The following CASZ1 variants were observed in gnomAD, a reference collection of about 807,000 sequenced individuals.
The protein encoded by CASZ1 is zinc finger protein castor homolog 1.
In CASZ1, 28 loss-of-function variants were observed where a neutral mutation model predicts 135.2. The ratio of observed to expected loss-of-function variants is 0.21; its 90% CI spans 0.15 to 0.28. The LOEUF is 0.28. CASZ1 is among the 10% of genes least tolerant of loss of function. The pLI, the probability that CASZ1 is intolerant of heterozygous loss-of-function variation, is 1.00. For synonymous variants in CASZ1, 1,068 were observed against 1,073.4 expected (o/e 0.99, Z 0.10); for missense variants, 2,161 against 2,453.3 (o/e 0.88, Z 2.52).
In CASZ1 at chr1:10,765,804, C is replaced by T. The variant is rs369657138; in HGVS notation, c.-233-4947G>A. Among the ~76,000 whole-genome samples, 176 of 152,334 alleles carry T rather than the reference C, an allele frequency of 1.2e-3. 1 individual carries two copies. The highest frequency in any genetic ancestry group is 2.7e-3 in the African/African-American group (114 of 41,574). On this transcript the variant is annotated intron_variant, in intron 1 of 20. Transcript: ENST00000377022. ...AAGGTACTGTCCACTGTCCTGCTGC[C>T]GGCAGGGGACAGGGAGGGGACCCGC...
At chr1:10,644,479 C>T (rs535771184) in intron 18 of CASZ1, among the ~76,000 whole-genome samples, 6 of 152,322 alleles carry the variant, frequency 3.9e-5, no homozygotes, top group African/African-American at 1.2e-4. Flanking sequence ...CCATAAATAA[C>T]TGCAGAATGG....
chr1:10,649,512 C>T (rs909086244), intron 13 of CASZ1, 75 bp from the exon 14 acceptor site: 7 of 1,496,440 alleles, frequency 4.7e-6, no homozygotes, highest in Admixed American at 2.0e-5. Context: ...GAGCAACAGC[C>T]GAAGCTCTGG....
chr1:10,668,205 C>A (rs1643296084), intron 4 of CASZ1, among the ~76,000 whole-genome samples: 1 of 152,154 alleles, frequency 6.6e-6, no homozygotes, highest in Admixed American at 6.5e-5. Flanking sequence ...AAGCTTTCCG[C>A]CGCCTTCCGG....
rs922469762 is a variant in CASZ1 at position 10,666,194 on chromosome 1, G to A, written c.17-623C>T. Among the ~76,000 whole-genome samples, 1 of 152,112 alleles carries A rather than the reference G, an allele frequency of 6.6e-6. No individual in the cohort carries two copies. The highest frequency in any genetic ancestry group is 2.4e-5 in the African/African-American group (1 of 41,426). ...GCTCCTCTGCCAGGCCAGGTCCCTG[G>A]GCCCTACCTGACTCCAACCCTGCTC... On this transcript the variant is annotated intron_variant, in intron 4 of 20. Transcript: ENST00000377022. The surrounding 1 kb of genome is among the most constrained non-coding windows in gnomAD (Gnocchi z 5.2).
chr1:10,642,977 A>G lies in CASZ1; in HGVS notation c.4044T>C (p.Ala1348=). 6.2e-7 allele frequency: 1 copy of G among 1,612,960 alleles called. No individual in the cohort carries two copies. ...PSQGPPGLMD[A]ETDECMDYTG... is the part of the protein sequence containing the mutation. ...TGTAGTCCATGCACTCATCTGTCTCAGCATCCATCAGGCCTGGGGGGCCCT... is the reference window on the plus strand; with the variant it reads ...TGTAGTCCATGCACTCATCTGTCTCGGCATCCATCAGGCCTGGGGGGCCCT... The change falls in exon 20 of 21, where the codon GCT becomes GCC. Residue 1348 remains alanine, a synonymous_variant. Transcript: ENST00000377022.
At chr1:10,792,289 A>C (rs1640970500) in intron 1 of CASZ1, among the ~76,000 whole-genome samples, 1 of 132,988 alleles carries the variant, frequency 7.5e-6, no homozygotes, top group Non-Finnish European at 1.6e-5. Flanking sequence ...TTATTTATGA[A>C]AGCCAAATGC....
chr1:10,679,828 C>T lies in CASZ1; in HGVS notation c.16+14046G>A, dbSNP rs1032544103. 1.3e-5 allele frequency among the ~76,000 whole-genome samples: 2 copies of T among 152,232 alleles called. No homozygotes were observed. Among genetic ancestry groups the T allele is most frequent in the African/African-American group, 2.4e-5 (1 of 41,456 alleles). ...GATCTGCAACAGGATGTAGGGATTA[C>T]AGTAAAACCTGGCTCCGGATCTGCA... On this transcript the variant is annotated intron_variant, in intron 4 of 20. Transcript: ENST00000377022. This position sits in a 1 kb window ranked among gnomAD's most constrained non-coding sequence, Gnocchi z 4.7.
intron 4 of CASZ1, among the ~76,000 whole-genome samples, chr1:10,668,880 C>T (rs1046982977): frequency 7.2e-5 from 11 of 152,364 alleles, no homozygotes; most frequent in African/African-American, 1.7e-4. Flanking sequence ...TGGTGCCACA[C>T]GTGAGCTTGA....
At position 10,706,104 on chromosome 1, in the gene CASZ1, C is replaced by G. The variant is rs1639167360; in HGVS notation, c.-76-560G>C. Among the ~76,000 whole-genome samples, 1 of 152,268 alleles carries G rather than the reference C, an allele frequency of 6.6e-6. No homozygotes were observed. Among genetic ancestry groups the G allele is most frequent in the South Asian group, 2.1e-4 (1 of 4,836 alleles). ...TCAGGAAGCCTCCATGCCCCAGGAT[C>G]AGGCTGCCGACAGCACCTTCCACCC... On this transcript the variant is annotated intron_variant, in intron 2 of 20. Coordinates refer to ENST00000377022, the MANE Select transcript of CASZ1 (RefSeq NM_001079843.3). The surrounding 1 kb of genome is among the most constrained non-coding windows in gnomAD (Gnocchi z 4.3).
rs918366998 is a variant in CASZ1, at chr1:10,777,525, G to A, written c.-233-16668C>T. On this transcript the variant is annotated intron_variant, in intron 1 of 20. Transcript: ENST00000377022. This position sits in a 1 kb window ranked among gnomAD's most constrained non-coding sequence, Gnocchi z 4.4. ...TGGGGCAGGGGACCAAGTGATACGC[G>A]AAAAACAGACGGAAGACCCCGTTAA... 2.0e-5 allele frequency among the ~76,000 whole-genome samples: 3 copies of A among 152,118 alleles called. No individual in the cohort carries two copies. Among genetic ancestry groups the A allele is most frequent in the Non-Finnish European group, 4.4e-5 (3 of 68,008 alleles).
chr1:10,693,743 G>C (rs1179849866), intron 4 of CASZ1, 131 bp downstream of exon 4: 3 of 824,084 alleles, frequency 3.6e-6, no homozygotes, highest in East Asian at 5.1e-5. Flanking sequence ...GGGACGCCGG[G>C]AGGCAGCCGC....
At chr1:10,728,822 G>A (rs928698301) in intron 2 of CASZ1, among the ~76,000 whole-genome samples, 3 of 152,044 alleles carry the variant, frequency 2.0e-5, no homozygotes, top group African/African-American at 2.4e-5. Context: ...GTGCCTGGCC[G>A]GCGCTTGAAG....
intron 2 of CASZ1, among the ~76,000 whole-genome samples, chr1:10,729,908 C>T (rs1316101891): frequency 6.6e-6 from 1 of 152,104 alleles, no homozygotes; most frequent in African/African-American, 2.4e-5. Context: ...TTCCGCCTCC[C>T]AGGTTTAAGC....
chr1:10,667,832 G>A (rs1027148993), intron 4 of CASZ1, among the ~76,000 whole-genome samples: 1 of 121,254 alleles, frequency 8.2e-6, no homozygotes, highest in Non-Finnish European at 1.7e-5. Context: ...GAGCCTCCCC[G>A]CACTTTGGCC....
In CASZ1 at chr1:10,642,903, C is replaced by A. The variant is rs747059584; in HGVS notation, c.4118G>T (p.Arg1373Leu). 1 of 1,613,036 alleles carries A rather than the reference C, an allele frequency of 6.2e-7. No individual in the cohort carries two copies. Among genetic ancestry groups the A allele is most frequent in the Non-Finnish European group, 8.5e-7 (1 of 1,179,974 alleles). The change falls in exon 20 of 21, where the codon CGG becomes CTG. Residue 1373 changes from arginine (R) to leucine (L), a missense_variant. Transcript: ENST00000377022. ...ACCCACGGGGGTGCTGGAGCAGCTC[C>A]GGTCCATGGTGGATGACTCAGAGGA... ...AMSSESSTMD[R>L]SCSSTPVGNE...
Position 10,704,145 on chromosome 1 carries a change from C to T in CASZ1, c.-24+1347G>A, listed in dbSNP as rs77151436. 294 of 152,412 alleles carry T rather than the reference C, an allele frequency of 1.9e-3. 3 individuals carry two copies. In the East Asian group the frequency reaches 0.055, roughly 29 times the overall value. 9.4% of individuals were successfully genotyped at this position (152,412 alleles called of 1,614,324 possible). On this transcript the variant is annotated intron_variant, in intron 3 of 20. Coordinates refer to ENST00000377022, the MANE Select transcript of CASZ1 (RefSeq NM_001079843.3). ...GAAGCCAATATCCAGGAACTGGTCC[C>T]AGCTTGGGGCATCCTGAGGAGCCTT... is the stretch of plus-strand genomic sequence containing the variant.
At chr1:10,651,206 G>T in intron 11 of CASZ1, 130 bp from the exon 12 acceptor site, 1 of 636,922 alleles carries the variant, frequency 1.6e-6, no homozygotes, top group Non-Finnish European at 2.4e-6. Context: ...CGCTTCTCCC[G>T]CTGACGTGAT....
In CASZ1 at chr1:10,733,741, C is replaced by T. The variant is rs4427409; in HGVS notation, c.-77+26960G>A. Among the ~76,000 whole-genome samples the T allele has an allele frequency of 3.5e-3, 526 of 152,236 alleles. 1 individual carries two copies. The highest frequency in any genetic ancestry group is 5.5e-3 in the Non-Finnish European group (375 of 68,008). On this transcript the variant is annotated intron_variant, in intron 2 of 20. Coordinates refer to ENST00000377022, the MANE Select transcript of CASZ1 (RefSeq NM_001079843.3). The stretch of plus-strand genomic sequence containing the variant: ...CTCAGAGGAACCAGTACAGTGTAGT[C>T]AGTACTGGGCAGCCTGGACTCTGGG...
Position 10,720,577 on chromosome 1 carries a change from A to C in CASZ1, c.-76-15033T>G, listed in dbSNP as rs1359188461. On this transcript the variant is annotated intron_variant, in intron 2 of 20. Coordinates refer to ENST00000377022, the MANE Select transcript of CASZ1 (RefSeq NM_001079843.3). The surrounding 1 kb of genome is among the most constrained non-coding windows in gnomAD (Gnocchi z 5.7). ...GGGCAGTCCCATTTGCCTATCAAAA[A>C]CTGTACATTCGCTCGGCTTTCCACG... 2.6e-5 allele frequency among the ~76,000 whole-genome samples: 4 copies of C among 152,266 alleles called. No homozygotes were observed. The highest frequency in any genetic ancestry group is 2.6e-4 in the Admixed American group (4 of 15,294).
Sources: allele counts gnomAD v4.1 joint callset (sites outside exome capture counted in the v4.1 genomes callset), GRCh38; gene constraint gnomAD v4.1.1; non-coding constraint Gnocchi (gnomAD v3.1); transcripts MANE v1.5; gene names NCBI Gene and HGNC (gene_info 2026-07-23, HGNC 2026-07-21).